PRKG1: variants seen among roughly 807,000 people sequenced by gnomAD.
PRKG1 encodes the protein protein kinase cGMP-dependent 1, also known as cGMP-dependent protein kinase 1.
Under a neutral mutation model 88.1 loss-of-function variants are expected in PRKG1, and 35 were observed. That is an observed-to-expected ratio of 0.40 (90% CI 0.30 to 0.53). The LOEUF (loss-of-function observed/expected upper bound fraction) is 0.53, where lower values mean the gene tolerates loss of function less well. Ranked by LOEUF, PRKG1 falls within the 20% of genes least tolerant of loss-of-function variation. The pLI is 0.59. For synonymous variants in PRKG1, 303 were observed against 292.5 expected (o/e 1.04, Z -0.37); for missense variants, 540 against 839.8 (o/e 0.64, Z 4.41).
intron 2 of PRKG1, among the ~76,000 whole-genome samples, chr10:51,442,589 T>C (rs983608639): frequency 6.6e-6 from 1 of 151,992 alleles, no homozygotes; most frequent in Non-Finnish European, 1.5e-5. Flanking sequence ...ATGGATTTAC[T>C]CAGTATAGTC....
intron 1 of PRKG1, chr10:51,068,508 T>C (rs949099779): frequency 6.6e-6 from 1 of 152,074 alleles, no homozygotes; most frequent in African/African-American, 2.4e-5. Context: ...AAGAGTTTGC[T>C]AGCAAAACTT....
At chr10:51,306,196 A>G (rs901114279) in intron 2 of PRKG1, among the ~76,000 whole-genome samples, 34 of 152,302 alleles carry the variant, frequency 2.2e-4, no homozygotes, top group African/African-American at 7.5e-4. Context: ...TCATTCCATT[A>G]CACTGGATAG....
chr10:52,075,534 T>C (rs1846607186), intron 7 of PRKG1, among the ~76,000 whole-genome samples: 1 of 152,214 alleles, frequency 6.6e-6, no homozygotes, highest in African/African-American at 2.4e-5. Context: ...CAGTGTGGTA[T>C]TGATATCAAG....
intron 9 of PRKG1, among the ~76,000 whole-genome samples, chr10:52,197,601 T>C (rs28502361): frequency 2.0e-5 from 3 of 152,166 alleles, no homozygotes; most frequent in Non-Finnish European, 4.4e-5. Flanking sequence ...TCCCACATGG[T>C]TAGTCTGTTT....
chr10:51,565,940 A>G (rs1167453679), intron 3 of PRKG1, among the ~76,000 whole-genome samples: 1 of 152,124 alleles, frequency 6.6e-6, no homozygotes, highest in Non-Finnish European at 1.5e-5. Flanking sequence ...TGGGTTCTGA[A>G]CTTATTTATT....
chr10:51,403,519 T>C (rs1837817065), intron 2 of PRKG1, among the ~76,000 whole-genome samples: 1 of 152,172 alleles, frequency 6.6e-6, no homozygotes, highest in African/African-American at 2.4e-5. Flanking sequence ...TTTACTCCTC[T>C]ACAACATCCA....
At chr10:51,529,300 C>T (rs1330478687) in intron 3 of PRKG1, among the ~76,000 whole-genome samples, 2 of 152,138 alleles carry the variant, frequency 1.3e-5, no homozygotes, top group African/African-American at 4.8e-5. Context: ...TTTCATTCCA[C>T]TCTAACCATC....
chr10:51,462,804 T>C (rs1055290878), intron 2 of PRKG1, among the ~76,000 whole-genome samples: 1 of 152,336 alleles, frequency 6.6e-6, no homozygotes, highest in African/African-American at 2.4e-5. Flanking sequence ...CAAACAACTT[T>C]AGCAATTTAG....
intron 2 of PRKG1, among the ~76,000 whole-genome samples, chr10:51,390,960 C>T (rs1215166497): frequency 6.6e-6 from 1 of 152,118 alleles, no homozygotes; most frequent in African/African-American, 2.4e-5. Context: ...TTGAAAAACC[C>T]TGCGCAAAGA....
At chr10:51,424,707 AT>A (rs1838523301) in intron 2 of PRKG1, among the ~76,000 whole-genome samples, 1 of 152,116 alleles carries the variant, frequency 6.6e-6, no homozygotes, top group African/African-American at 2.4e-5. Context: ...GTTTCTCTAA[AT>A]TGATCTATCT....
intron 5 of PRKG1, among the ~76,000 whole-genome samples, chr10:52,032,585 T>C (rs1845499365): frequency 6.6e-6 from 1 of 152,162 alleles, no homozygotes; most frequent in South Asian, 2.1e-4. Context: ...ATATAAAATA[T>C]TTAGTCATAT....
intron 5 of PRKG1, among the ~76,000 whole-genome samples, chr10:51,937,688 G>A (rs971345971): frequency 6.6e-6 from 1 of 151,906 alleles, no homozygotes; most frequent in Non-Finnish European, 1.5e-5. Context: ...GAGACTTCTG[G>A]TCAGCATGCT....
At chr10:52,083,070 A>G (rs948766914) in intron 7 of PRKG1, among the ~76,000 whole-genome samples, 2 of 152,048 alleles carry the variant, frequency 1.3e-5, no homozygotes, top group African/African-American at 4.8e-5. Context: ...GATTGGCCAG[A>G]AATTCGTCAT....
chr10:51,144,969 T>A (rs1845908000), intron 1 of PRKG1, among the ~76,000 whole-genome samples: 1 of 152,234 alleles, frequency 6.6e-6, no homozygotes, highest in Non-Finnish European at 1.5e-5. Context: ...AGCTGTATTT[T>A]TAGTTTAAAA....
At chr10:51,986,688 C>T (rs1844165868) in intron 5 of PRKG1, among the ~76,000 whole-genome samples, 1 of 152,154 alleles carries the variant, frequency 6.6e-6, no homozygotes, top group Non-Finnish European at 1.5e-5. Context: ...CAGACTCTAC[C>T]TTGGTAACAG....
chr10:51,218,526 T>TAA (rs1404141056), intron 2 of PRKG1, among the ~76,000 whole-genome samples: 2 of 109,102 alleles, frequency 1.8e-5, no homozygotes, highest in East Asian at 5.3e-4. Flanking sequence ...TATATATATA[T>TAA]ATATAAAATG....
chr10:51,131,245 T>C (rs2131937413), intron 1 of PRKG1, among the ~76,000 whole-genome samples: 1 of 152,314 alleles, frequency 6.6e-6, no homozygotes, highest in East Asian at 1.9e-4. Context: ...GTATGCAGAA[T>C]TATTTCATAT....
At chr10:51,969,425 T>G (rs910501599) in intron 5 of PRKG1, among the ~76,000 whole-genome samples, 4 of 152,160 alleles carry the variant, frequency 2.6e-5, no homozygotes, top group Non-Finnish European at 4.4e-5. Flanking sequence ...AATTTCTAAG[T>G]CTTTTCTGAG....
In PRKG1 at chr10:52,232,160, G is replaced by A. The variant is rs914009607; in HGVS notation, c.1077-19410G>A. 7.2e-5 allele frequency among the ~76,000 whole-genome samples: 11 copies of A among 151,964 alleles called. No individual in the cohort carries two copies. The East Asian group carries it at 7.8e-4, about 11-fold the overall frequency. The stretch of plus-strand genomic sequence containing the variant: ...TCTACTAAAAATACAAAAATTATCC[G>A]GGCATGATGGTGGGCGCCTGTAGTC... On this transcript the variant is annotated intron_variant, in intron 9 of 17. Transcript: ENST00000373980.
Sources: gnomAD v4.1 joint callset for allele counts (sites outside exome capture counted in the v4.1 genomes callset) on GRCh38, gnomAD v4.1.1 for gene constraint, MANE v1.5 for transcripts, NCBI Gene and HGNC (gene_info 2026-07-23, HGNC 2026-07-21) for gene names.